Variants in NKAIN2 observed in about 807,000 individuals in gnomAD.
The protein encoded by NKAIN2 is sodium/potassium transporting ATPase interacting 2, also known as sodium/potassium-transporting ATPase subunit beta-1-interacting protein 2.
NKAIN2 carries 14 observed loss-of-function variants against 32.6 expected under a neutral mutation model. The observed-to-expected ratio is 0.43, with a 90% confidence interval of 0.28 to 0.67. The LOEUF is 0.67. NKAIN2 is among the 30% of genes least tolerant of loss of function. NKAIN2 has a pLI of 0.17. For synonymous variants in NKAIN2, 80 were observed against 87.2 expected, an observed-to-expected ratio of 0.92 and a Z score of 0.46; for missense variants, 198 against 258.3, an observed-to-expected ratio of 0.77 and a Z score of 1.60.
At chr6:124,452,671 C>CA (rs1241196631) in intron 3 of NKAIN2, among the ~76,000 whole-genome samples, 2 of 151,964 alleles carry the variant, frequency 1.3e-5, no homozygotes, top group Non-Finnish European at 2.9e-5. Flanking sequence ...GAGAACAACT[C>CA]AAAGAAAACT....
intron 1 of NKAIN2, among the ~76,000 whole-genome samples, chr6:124,090,976 T>A (rs74849885): frequency 6.6e-5 from 10 of 152,000 alleles, no homozygotes; most frequent in African/African-American, 2.2e-4. Flanking sequence ...TTTAAGTTTT[T>A]CCAATTGCAC....
intron 3 of NKAIN2, among the ~76,000 whole-genome samples, chr6:124,525,294 AC>A (rs889803060): frequency 6.6e-5 from 10 of 151,806 alleles, no homozygotes; most frequent in Admixed American, 3.9e-4. Context: ...CGGGAGTTTA[AC>A]CTTTTTTTTT....
intron 3 of NKAIN2, among the ~76,000 whole-genome samples, chr6:124,377,969 G>C (rs1349551243): frequency 2.0e-5 from 3 of 152,106 alleles, no homozygotes; most frequent in East Asian, 3.9e-4. Context: ...AGAGAGAAGA[G>C]TTGAGCTTTT....
intron 1 of NKAIN2, among the ~76,000 whole-genome samples, chr6:124,229,679 A>G (rs1344224135): frequency 6.6e-6 from 1 of 152,040 alleles, no homozygotes; most frequent in Non-Finnish European, 1.5e-5. Context: ...GGTCTTTGCC[A>G]TGCTCTTCTC....
intron 2 of NKAIN2, among the ~76,000 whole-genome samples, chr6:124,343,644 T>C (rs181156905): frequency 0.016 from 2,449 of 150,626 alleles, 86 homozygotes; most frequent in African/African-American, 0.057. Context: ...GAGAAGTGTC[T>C]GTTGATATCC....
chr6:124,351,156 G>A (rs556677374), intron 2 of NKAIN2, among the ~76,000 whole-genome samples: 6 of 152,216 alleles, frequency 3.9e-5, no homozygotes, highest in Non-Finnish European at 5.9e-5. Context: ...ACATAATGGC[G>A]TTAATATATC....
At chr6:124,813,094 G>A (rs1270031004) in intron 5 of NKAIN2, among the ~76,000 whole-genome samples, 4 of 151,930 alleles carry the variant, frequency 2.6e-5, no homozygotes, top group Non-Finnish European at 4.4e-5. Flanking sequence ...CAGAAGAAAG[G>A]ACTGCTTAAA....
At chr6:124,399,563 G>T (rs1368468060) in intron 3 of NKAIN2, among the ~76,000 whole-genome samples, 2 of 152,292 alleles carry the variant, frequency 1.3e-5, no homozygotes, top group Admixed American at 6.5e-5. Context: ...GTGTTCAGGG[G>T]GTAGCATAAG....
chr6:124,305,988 C>A (rs1313084933), intron 2 of NKAIN2, among the ~76,000 whole-genome samples: 2 of 152,038 alleles, frequency 1.3e-5, no homozygotes, highest in African/African-American at 4.8e-5. Context: ...TGTCCTTACT[C>A]TTCAAGTTAC....
chr6:124,275,339 G>T (rs1462963053), intron 1 of NKAIN2, among the ~76,000 whole-genome samples: 1 of 152,026 alleles, frequency 6.6e-6, no homozygotes, highest in East Asian at 1.9e-4. Context: ...TTTCAAAAAG[G>T]TATATTAAGA....
Position 124,791,399 on chromosome 6 carries a change from T to C in NKAIN2, c.535T>C (p.Phe179Leu). ...ATGTATAACTGAAGAAGAGGACAGCTGTAAGTATTAAAGCTCTATTCTGTT... is the reference window on the plus strand; with the variant it reads ...ATGTATAACTGAAGAAGAGGACAGCCGTAAGTATTAAAGCTCTATTCTGTT... Reference protein sequence around the residue: ...VKCITEEEDSFDFIGGFDSYG... With the variant: ...VKCITEEEDSLDFIGGFDSYG... Residue 179 changes from phenylalanine (F) to leucine (L), a missense_variant and splice_region_variant, in exon 5 of 7, where the codon TTT becomes CTT. Physicochemically the swap from Phe to Leu is conservative, Grantham distance 22 (BLOSUM62 0). Coordinates refer to ENST00000368417, the MANE Select transcript of NKAIN2 (RefSeq NM_001040214.3). 6.3e-7 allele frequency: 1 copy of C among 1,599,464 alleles called. No homozygotes were observed. The highest frequency in any genetic ancestry group is 8.6e-7 in the Non-Finnish European group (1 of 1,167,870).
intron 4 of NKAIN2, among the ~76,000 whole-genome samples, chr6:124,760,968 CA>C (rs1778237552): frequency 6.6e-6 from 1 of 152,260 alleles, no homozygotes; most frequent in East Asian, 1.9e-4. Flanking sequence ...ACCCAGCAAA[CA>C]TTTTTTTGCC....
chr6:123,972,923 A>G lies in NKAIN2; in HGVS notation c.54+168669A>G, dbSNP rs117934188. 2.0e-3 allele frequency among the ~76,000 whole-genome samples: 312 copies of G among 152,230 alleles called. 3 individuals carry two copies. The highest frequency in any genetic ancestry group is 3.3e-3 in the Admixed American group (51 of 15,284). ...GAAAAGTGCCTGATACATAGTAAAA[A>G]CACCATATCCATAAAATTAATATAA... is the stretch of plus-strand genomic sequence containing the variant. On this transcript the variant is annotated intron_variant, in intron 1 of 6. Transcript: ENST00000368417.
intron 1 of NKAIN2, among the ~76,000 whole-genome samples, chr6:124,020,041 T>C (rs964924163): frequency 1.3e-5 from 2 of 152,176 alleles, no homozygotes; most frequent in Non-Finnish European, 2.9e-5. Context: ...AATACCATTG[T>C]TCACTTTAGC....
chr6:124,367,551 T>C (rs767871671), intron 3 of NKAIN2, among the ~76,000 whole-genome samples: 1 of 152,162 alleles, frequency 6.6e-6, no homozygotes, highest in Non-Finnish European at 1.5e-5. Flanking sequence ...ATTATATAAA[T>C]CACTTTGATA....
chr6:124,789,686 GT>G (rs1779655981), intron 4 of NKAIN2, among the ~76,000 whole-genome samples: 1 of 151,834 alleles, frequency 6.6e-6, no homozygotes, highest in Admixed American at 6.6e-5. Context: ...GGAGACATTG[GT>G]TTTTAATTAG....
At chr6:123,879,741 A>G (rs540070047) in intron 1 of NKAIN2, among the ~76,000 whole-genome samples, 2 of 152,368 alleles carry the variant, frequency 1.3e-5, no homozygotes, top group Admixed American at 6.5e-5. Context: ...CTGGACAGAC[A>G]TGGCTGTTTC....
Position 124,321,266 on chromosome 6 carries a change from TA to T in NKAIN2, c.193-34000del, listed in dbSNP as rs200957177. On this transcript the variant is annotated intron_variant, in intron 2 of 6. Transcript: ENST00000368417. ...ACTCATACAGCTGCCTTGCTACTTA[TA>T]TAAACTTTTGGATAAATAGCAGTGC... is the stretch of plus-strand genomic sequence containing the variant. Among the ~76,000 whole-genome samples, 490 of 152,224 alleles carry T rather than the reference TA, an allele frequency of 3.2e-3. 2 individuals carry two copies. The highest frequency in any genetic ancestry group is 0.01 in the African/African-American group (430 of 41,538).
In NKAIN2 at chr6:124,394,501, AGATAGATT is replaced by A. The variant is rs755092426; in HGVS notation, c.273+39155_273+39162del. On this transcript the variant is annotated intron_variant, in intron 3 of 6. Transcript: ENST00000368417. ...TAGATAGATAGATAGATAGATAGAT[AGATAGATT>A]AGATAGATACAGACAGACAGATAGA... Among the ~76,000 whole-genome samples the A allele has an allele frequency of 4.0e-3, 591 of 146,284 alleles. 5 individuals are homozygous for A. Among genetic ancestry groups the A allele is most frequent in the Middle Eastern group, 0.034 (10 of 292 alleles).
Sources: allele counts gnomAD v4.1 joint callset (sites outside exome capture counted in the v4.1 genomes callset), GRCh38; gene constraint gnomAD v4.1.1; transcripts MANE v1.5; gene names NCBI Gene and HGNC (gene_info 2026-07-23, HGNC 2026-07-21).